The following RANBP2 variants were observed in gnomAD, a reference collection of about 807,000 sequenced individuals.
The protein encoded by RANBP2 is E3 SUMO-protein ligase RanBP2.
In RANBP2, 57 loss-of-function variants were observed where a neutral mutation model predicts 303.6. The observed-to-expected ratio is 0.19, with a 90% CI of 0.15 to 0.23. The LOEUF is 0.23. Among genes scored for constraint, RANBP2 ranks in the 10% least tolerant of loss-of-function variants. The pLI, the probability that RANBP2 is intolerant of heterozygous loss-of-function variation, is 1.00. For missense variants in RANBP2, 3,138 were observed against 3,780.8 expected (o/e 0.83, Z 4.46); for synonymous variants, 1,167 against 1,301.5 (o/e 0.90, Z 2.23).
chr2:109,615,360 C>G, the RANBP2 span: 4 of 1,612,786 alleles, frequency 2.5e-6, no homozygotes, highest in Non-Finnish European at 3.4e-6. Flanking sequence ...CACCTGCGAG[C>G]CCGGCCTGCT....
At chr2:109,586,364 TTGAGGGAAGGAAACTTATCAGGTGAGA>T in the RANBP2 span, among the ~76,000 whole-genome samples, 1 of 152,112 alleles carries the variant, frequency 6.6e-6, no homozygotes, top group Non-Finnish European at 1.5e-5. Context: ...AGAATAAGAC[TTGAGGGAAGGAAACTTATCAGGTGAGA>T]TGAGTTTATC....
At chr2:109,103,437 G>A in the RANBP2 span, among the ~76,000 whole-genome samples, 2 of 152,174 alleles carry the variant, frequency 1.3e-5, no homozygotes, top group African/African-American at 2.4e-5. Flanking sequence ...CAATCAATCC[G>A]TGTGAGGTAT....
chr2:109,154,435 G>A, the RANBP2 span, among the ~76,000 whole-genome samples: 1 of 152,202 alleles, frequency 6.6e-6, no homozygotes, highest in Non-Finnish European at 1.5e-5. Context: ...TGAAGCTGCA[G>A]CATCATGGGC....
rs752491774 is a variant in RANBP2, at chr2:108,775,769, G to C, written c.8330G>C (p.Ser2777Thr). The change falls in exon 24 of 29, where the codon AGT becomes ACT. Residue 2777 changes from serine (S) to threonine (T), a missense_variant. Transcript: ENST00000283195. ...QTEEITSTTD[S>T]VYTGGTEVMV... ...GAAGAAATAACTAGCACAACTGACA[G>C]TGTATATACAGGTGGGACTGAAGTG... 1.9e-6 allele frequency: 3 copies of C among 1,613,704 alleles called. No homozygotes were observed. The highest frequency in any genetic ancestry group is 1.7e-6 in the Non-Finnish European group (2 of 1,179,930).
the RANBP2 span, among the ~76,000 whole-genome samples, chr2:109,640,969 G>T: frequency 1.3e-5 from 2 of 151,792 alleles, no homozygotes; most frequent in Non-Finnish European, 2.9e-5. Flanking sequence ...AGAAATGGAG[G>T]GTAGATCTTC....
At chr2:108,785,864 T>C (rs1225135290), downstream of RANBP2, 1 of 152,248 alleles carries the variant, frequency 6.6e-6, no homozygotes, top group Non-Finnish European at 1.5e-5. Context: ...TTTCAGATAA[T>C]AACTGCTGAA....
At chr2:109,014,022 G>A in the RANBP2 span, among the ~76,000 whole-genome samples, 1 of 152,234 alleles carries the variant, frequency 6.6e-6, no homozygotes, top group Admixed American at 6.5e-5. Context: ...GCTGGATAGT[G>A]CAACAAGCCA....
the RANBP2 span, among the ~76,000 whole-genome samples, chr2:108,837,924 AT>A: frequency 0.019 from 2,810 of 144,338 alleles, 77 homozygotes; most frequent in African/African-American, 0.061. Context: ...AATTTTTTCG[AT>A]TTTTTTTTTT....
At chr2:109,269,687 G>A in the RANBP2 span, among the ~76,000 whole-genome samples, 2 of 152,224 alleles carry the variant, frequency 1.3e-5, no homozygotes, top group Non-Finnish European at 2.9e-5. Context: ...GCTGAGGCAC[G>A]AGATTTGTTT....
the RANBP2 span, among the ~76,000 whole-genome samples, chr2:109,381,283 C>T: frequency 1.3e-5 from 2 of 152,246 alleles, no homozygotes; most frequent in Non-Finnish European, 2.9e-5. Context: ...ATCTTGTGTC[C>T]AGACTGCTTC....
chr2:109,178,597 C>T, the RANBP2 span, among the ~76,000 whole-genome samples: 1 of 152,152 alleles, frequency 6.6e-6, no homozygotes, highest in Non-Finnish European at 1.5e-5. Context: ...TTTTTCAGAA[C>T]CAAAAGAGTC....
the RANBP2 span, among the ~76,000 whole-genome samples, chr2:109,729,444 C>T: frequency 1.7e-4 from 26 of 152,178 alleles, no homozygotes; most frequent in African/African-American, 2.4e-5. Flanking sequence ...GTCAGGAATT[C>T]GAGCCCAGCC....
chr2:109,604,090 A>G, the RANBP2 span, among the ~76,000 whole-genome samples: 1 of 144,072 alleles, frequency 6.9e-6, no homozygotes, highest in African/African-American at 2.6e-5. Flanking sequence ...TGAACCTGGG[A>G]GGTGGAGATT....
chr2:109,062,285 C>A, the RANBP2 span, among the ~76,000 whole-genome samples: 1 of 152,216 alleles, frequency 6.6e-6, no homozygotes, highest in African/African-American at 2.4e-5. Context: ...GGAGACACAG[C>A]TTTAAGCCAA....
chr2:108,984,472 C>T, the RANBP2 span, among the ~76,000 whole-genome samples: 1 of 152,146 alleles, frequency 6.6e-6, no homozygotes, highest in East Asian at 1.9e-4. Context: ...CCTCTCCTCT[C>T]CTTCTGTTCA....
chr2:109,524,545 C>T, the RANBP2 span, among the ~76,000 whole-genome samples: 1 of 150,930 alleles, frequency 6.6e-6, no homozygotes, highest in Non-Finnish European at 1.5e-5. Context: ...TTACTTGAGG[C>T]TAGGAGTTCG....
the RANBP2 span, among the ~76,000 whole-genome samples, chr2:109,579,447 A>G: frequency 6.7e-6 from 1 of 149,524 alleles, no homozygotes; most frequent in Admixed American, 6.8e-5. Flanking sequence ...GTAATGGCCC[A>G]ATCTTGGCTC....
chr2:108,740,456 G>A (rs778063632), intron 6 of RANBP2, 33 bp from the exon 7 acceptor site: 18 of 1,597,292 alleles, frequency 1.1e-5, no homozygotes, highest in Non-Finnish European at 1.5e-5. Context: ...TGCAGTAAGT[G>A]TGTATTATCT....
At chr2:109,671,262 T>C in the RANBP2 span, among the ~76,000 whole-genome samples, 1 of 151,984 alleles carries the variant, frequency 6.6e-6, no homozygotes, top group African/African-American at 2.4e-5. Flanking sequence ...GACTGTAGCA[T>C]GCCAGAGTGG....
Sources: gnomAD v4.1 joint callset for allele counts (sites outside exome capture counted in the v4.1 genomes callset) on GRCh38, gnomAD v4.1.1 for gene constraint, MANE v1.5 for transcripts, NCBI Gene and HGNC (gene_info 2026-07-23, HGNC 2026-07-21) for gene names.